Variants in GDA observed in about 807,000 individuals in gnomAD.
The protein encoded by GDA is guanine deaminase.
A neutral mutation model predicts 59.6 loss-of-function variants in GDA; 18 were observed. That is an observed-to-expected ratio of 0.30 (90% CI 0.21 to 0.45). GDA has a LOEUF of 0.45. Among genes scored for constraint, GDA ranks in the 20% least tolerant of loss-of-function variants. The pLI is 1.00. For missense variants in GDA, 427 were observed against 552.3 expected (o/e 0.77, Z 2.27); for synonymous variants, 201 against 201.1 (o/e 1.00, Z 0.00).
chr9:72,144,238 T>G (rs955837645), intron 1 of GDA, among the ~76,000 whole-genome samples: 3 of 152,044 alleles, frequency 2.0e-5, no homozygotes, highest in African/African-American at 4.8e-5. Flanking sequence ...CTAATAATAT[T>G]AACAATAGAC....
At chr9:72,253,995 A>G (rs940456813), downstream of GDA, among the ~76,000 whole-genome samples, 1 of 152,182 alleles carries the variant, frequency 6.6e-6, no homozygotes, top group Non-Finnish European at 1.5e-5. Flanking sequence ...GTAGCAAAAC[A>G]GGACTTGTGT....
At chr9:72,213,653 A>G (rs185652183) in intron 4 of GDA, among the ~76,000 whole-genome samples, 2 of 151,050 alleles carry the variant, frequency 1.3e-5, no homozygotes, top group African/African-American at 4.9e-5. Context: ...AATACAAAAA[A>G]TTAGCCGGGC....
intron 1 of GDA, among the ~76,000 whole-genome samples, chr9:72,182,358 C>T (rs1396942946): frequency 6.6e-6 from 1 of 152,116 alleles, no homozygotes; most frequent in Non-Finnish European, 1.5e-5. Flanking sequence ...GTCTTTCATG[C>T]TCTGGATAAT....
intron 1 of GDA, among the ~76,000 whole-genome samples, chr9:72,190,144 T>C (rs1832354286): frequency 6.6e-6 from 1 of 152,192 alleles, no homozygotes; most frequent in Non-Finnish European, 1.5e-5. Context: ...TTGTTTTGTT[T>C]GAGACAAAGT....
intron 1 of GDA, among the ~76,000 whole-genome samples, chr9:72,192,642 G>A (rs1281523606): frequency 2.0e-5 from 3 of 151,270 alleles, no homozygotes; most frequent in Non-Finnish European, 4.4e-5. Context: ...AGCACTTTGG[G>A]AAGCCAAGGC....
intron 5 of GDA, among the ~76,000 whole-genome samples, 177 bp from the exon 6 acceptor site, chr9:72,219,302 C>T (rs1836549781): frequency 6.6e-6 from 1 of 151,892 alleles, no homozygotes; most frequent in Admixed American, 6.6e-5. Context: ...ACTCGGGAGG[C>T]TGAGGCAGGA....
At chr9:72,122,892 G>T (rs536054547) in intron 1 of GDA, among the ~76,000 whole-genome samples, 29 of 152,150 alleles carry the variant, frequency 1.9e-4, no homozygotes, top group Non-Finnish European at 3.7e-4. Flanking sequence ...GGAGTGGGGA[G>T]AAGAATCCAC....
intron 1 of GDA, among the ~76,000 whole-genome samples, chr9:72,176,231 G>C (rs780284550): frequency 3.3e-5 from 5 of 152,198 alleles, no homozygotes; most frequent in Admixed American, 6.5e-5. Flanking sequence ...TGCCACAAGA[G>C]CTTCTCTCAG....
chr9:72,214,206 C>G (rs576853683), intron 5 of GDA, among the ~76,000 whole-genome samples: 1 of 152,290 alleles, frequency 6.6e-6, no homozygotes, highest in East Asian at 1.9e-4. Flanking sequence ...AAAGAGCTTT[C>G]CTTTGTAGTG....
At chr9:72,192,677 C>T (rs146448321) in intron 1 of GDA, among the ~76,000 whole-genome samples, 3 of 150,948 alleles carry the variant, frequency 2.0e-5, no homozygotes, top group Admixed American at 1.3e-4. Context: ...GTCAGGAGAT[C>T]GAGACCATCC....
chr9:72,126,625 G>A (rs1276614869), intron 1 of GDA, among the ~76,000 whole-genome samples: 2 of 148,044 alleles, frequency 1.4e-5, no homozygotes, highest in African/African-American at 2.5e-5. Context: ...GGAGTGCAGC[G>A]GCGCGATCTC....
chr9:72,145,391 C>A (rs577076017), upstream of GDA, among the ~76,000 whole-genome samples: 1 of 152,334 alleles, frequency 6.6e-6, no homozygotes, highest in South Asian at 2.1e-4. Context: ...ATTAACTGCA[C>A]AGGCAAGCCA....
intron 1 of GDA, among the ~76,000 whole-genome samples, chr9:72,126,067 C>T (rs1275432777): frequency 6.6e-6 from 1 of 152,028 alleles, no homozygotes; most frequent in Non-Finnish European, 1.5e-5. Context: ...GAGGCATGTG[C>T]CACTACACCC....
chr9:72,229,773 G>A (rs963129705), intron 9 of GDA, among the ~76,000 whole-genome samples: 14 of 152,152 alleles, frequency 9.2e-5, no homozygotes, highest in African/African-American at 3.4e-4. Context: ...ATATATGTCA[G>A]TGTCATTATG....
intron 1 of GDA, among the ~76,000 whole-genome samples, chr9:72,161,705 C>G (rs911423326): frequency 6.6e-6 from 1 of 152,142 alleles, no homozygotes; most frequent in African/African-American, 2.4e-5. Flanking sequence ...TGAAATGTTG[C>G]TTGTAAATGC....
intron 1 of GDA, among the ~76,000 whole-genome samples, chr9:72,166,210 G>A (rs1225713369): frequency 6.6e-6 from 1 of 152,180 alleles, no homozygotes; most frequent in Non-Finnish European, 1.5e-5. Context: ...AACTATCCCT[G>A]TGATCTAGAC....
intron 1 of GDA, among the ~76,000 whole-genome samples, chr9:72,158,399 C>T (rs1039196535): frequency 4.6e-5 from 7 of 152,018 alleles, no homozygotes; most frequent in African/African-American, 1.5e-4. Context: ...CGAGACCATC[C>T]TGGCTAACAT....
At chr9:72,161,031 C>G (rs1197299138) in intron 1 of GDA, among the ~76,000 whole-genome samples, 1 of 152,016 alleles carries the variant, frequency 6.6e-6, no homozygotes, top group African/African-American at 2.4e-5. Flanking sequence ...CGCCACCTCT[C>G]AAGTAGCTGG....
At chr9:72,248,243 T>C in intron 13 of GDA, 29 bp from the exon 14 acceptor site, 2 of 1,478,554 alleles carry the variant, frequency 1.4e-6, no homozygotes, top group Non-Finnish European at 1.9e-6. Flanking sequence ...AAAAGGATTT[T>C]ATACATGATT....
Sources: allele counts gnomAD v4.1 joint callset (sites outside exome capture counted in the v4.1 genomes callset), GRCh38; gene constraint gnomAD v4.1.1; transcripts MANE v1.5; gene names NCBI Gene and HGNC (gene_info 2026-07-23, HGNC 2026-07-21).